SLC38A5: variants seen among roughly 807,000 people sequenced by gnomAD.
SLC38A5 encodes sodium-coupled neutral amino acid transporter 5.
SLC38A5 carries 9 observed loss-of-function variants against 34.6 expected under a neutral mutation model. The observed-to-expected ratio is 0.26, with a 90% CI of 0.16 to 0.45. SLC38A5 has a LOEUF of 0.45. SLC38A5 is among the 20% of genes least tolerant of loss of function. SLC38A5 has a pLI of 1.00. For synonymous variants in SLC38A5, 157 were observed against 155.6 expected, an observed-to-expected ratio of 1.01 and a Z score of -0.07; for missense variants, 253 against 394.7, an observed-to-expected ratio of 0.64 and a Z score of 3.04.
Position 48,458,971 on chromosome X carries a change from T to C in SLC38A5, c.1381A>G (p.Asn461Asp). ...ATGCGGCTCTGGCCTGTGGCCCAGT[T>C]GGCAAACATAAAGCCTAGACTGACG... ...MAVSLGFMFANWATGQSRMSG... is the reference protein window; with the variant it reads ...MAVSLGFMFADWATGQSRMSG... Residue 461 changes from asparagine to aspartate, a missense_variant, in exon 17 of 17, where the codon AAC (asparagine) becomes GAC (aspartate). Physicochemically the swap from Asn to Asp is conservative, Grantham distance 23. Coordinates refer to ENST00000620913, the MANE Select transcript of SLC38A5 (RefSeq NM_033518.4). 1 of 1,193,824 alleles carries C rather than the reference T, an allele frequency of 8.4e-7. No individual in the cohort carries two copies. The highest frequency in any genetic ancestry group is 1.1e-6 in the Non-Finnish European group (1 of 885,690).
At chrX:48,464,058 A>C (rs913478960) in intron 8 of SLC38A5, among the ~76,000 whole-genome samples, 1 of 112,015 alleles carries the variant, frequency 8.9e-6, no homozygotes, top group Admixed American at 9.5e-5. Flanking sequence ...AAAAGTCAGA[A>C]ACACACATGC....
chrX:48,459,131 C>T, intron 16 of SLC38A5, 97 bp from the exon 17 acceptor site: 3 of 920,606 alleles, frequency 3.3e-6, no homozygotes, highest in Non-Finnish European at 4.5e-6. Context: ...TCAGAGAGTG[C>T]TCCATCCATT....
chrX:48,463,899 G>C (rs1211911627), intron 8 of SLC38A5, among the ~76,000 whole-genome samples: 1 of 107,380 alleles, frequency 9.3e-6, no homozygotes, highest in Non-Finnish European at 1.9e-5. Context: ...AAGAAAGAAA[G>C]AAAGAAAGAA....
At chrX:48,466,159 C>T in intron 7 of SLC38A5, 66 bp from the exon 8 acceptor site, 11 of 1,156,377 alleles carry the variant, frequency 9.5e-6, no homozygotes, top group Non-Finnish European at 1.2e-5. Flanking sequence ...TCTTCCCCAG[C>T]CCAGCCTGGG....
chrX:48,468,381 G>T (rs1181755167), intron 2 of SLC38A5: 1 of 730,968 alleles, frequency 1.4e-6, no homozygotes. Context: ...CACCCTCACC[G>T]CGTGGCCAGG....
chrX:48,463,853 GAGAAAGAAAGAAAGAA>G (rs201520618), intron 8 of SLC38A5, among the ~76,000 whole-genome samples: 1,313 of 76,981 alleles, frequency 0.017, 9 homozygotes, highest in Middle Eastern at 0.042. Flanking sequence ...AAGAAAGAGA[GAGAAAGAAAGAAAGAA>G]AGAAAGAAAG....
At chrX:48,461,630 C>A in intron 12 of SLC38A5, 88 bp downstream of exon 12, 1 of 961,429 alleles carries the variant, frequency 1.0e-6, no homozygotes, top group South Asian at 2.4e-5. Context: ...AAGTGACAGT[C>A]CCAGGACTGC....
chrX:48,467,199 AC>A, intron 4 of SLC38A5, 122 bp from the exon 5 acceptor site: 1 of 550,011 alleles, frequency 1.8e-6, no homozygotes, highest in Non-Finnish European at 3.0e-6. Flanking sequence ...CCAAGGAGAG[AC>A]CATCGGAGGA....
chrX:48,468,860 T>A (rs1401912472), intron 2 of SLC38A5: 2 of 750,554 alleles, frequency 2.7e-6, no homozygotes, highest in African/African-American at 2.4e-5. Flanking sequence ...GAGACCTTCA[T>A]CAAAGACCCC....
chrX:48,466,771 G>A (rs1556963462), intron 6 of SLC38A5, 28 bp downstream of exon 6: 1 of 1,174,650 alleles, frequency 8.5e-7, no homozygotes, highest in East Asian at 3.2e-5. Context: ...GGTGGAGTGG[G>A]GACTGGGATC....
chrX:48,465,182 C>A (rs1347141302), intron 8 of SLC38A5, among the ~76,000 whole-genome samples: 1 of 111,739 alleles, frequency 8.9e-6, no homozygotes. Flanking sequence ...CGTGCACATG[C>A]CCCCCACACA....
rs1385676831 is a variant in SLC38A5, at chrX:48,469,106, C to A, written c.-2+229G>T. 3 of 665,159 alleles carry A rather than the reference C, an allele frequency of 4.5e-6. No individual in the cohort carries two copies. The African/African-American group carries it at 7.3e-5, about 16-fold the overall frequency. 54.8% of individuals were successfully genotyped at this position (665,159 alleles called of 1,213,427 possible). A position where few individuals can be genotyped will look rare whatever the true frequency, so the allele number is the denominator to read the frequency against. On this transcript the variant is annotated intron_variant, in intron 2 of 16. Coordinates refer to ENST00000620913, the MANE Select transcript of SLC38A5 (RefSeq NM_033518.4). The stretch of plus-strand genomic sequence containing the variant: ...ATCCCGTTCCTGGGACAGGGAGGGT[C>A]TCAAGGAGTCCCATCCCCCACCACC...
chrX:48,468,916 T>C, intron 2 of SLC38A5: 1 of 752,383 alleles, frequency 1.3e-6, no homozygotes, highest in Non-Finnish European at 1.6e-6. Context: ...GTCTCTGCAA[T>C]CCCCACCCGA....
chrX:48,466,435 A>G, intron 6 of SLC38A5, 113 bp from the exon 7 acceptor site: 1 of 738,346 alleles, frequency 1.4e-6, no homozygotes, highest in Non-Finnish European at 2.0e-6. Context: ...GCTTTGACTG[A>G]TGGAGGATGA....
intron 12 of SLC38A5, among the ~76,000 whole-genome samples, chrX:48,461,317 G>A (rs1200002938): frequency 2.7e-5 from 3 of 110,688 alleles, no homozygotes; most frequent in Non-Finnish European, 5.7e-5. Context: ...GACTGCCACT[G>A]CCTCTTCCAT....
chrX:48,469,085 C>T lies in SLC38A5; in HGVS notation c.-2+250G>A, dbSNP rs999707473. ...AATCCTTTTCCCAAGTCCTGAATCC[C>T]GTTCCTGGGACAGGGAGGGTCTCAA... On this transcript the variant is annotated intron_variant, in intron 2 of 16. Transcript: ENST00000620913. The T allele has an allele frequency of 6.8e-6, 5 of 733,994 alleles. No individual in the cohort carries two copies. The African/African-American group carries it at 9.4e-5, about 14-fold the overall frequency. The allele number at this position is 733,994 out of a possible 1,213,427, so 60.5% of individuals were successfully genotyped here.
chrX:48,467,667 C>T lies in SLC38A5; in HGVS notation c.129+43G>A, dbSNP rs1444755436. The T allele has an allele frequency of 3.4e-6, 4 of 1,159,534 alleles. No individual in the cohort carries two copies. The African/African-American group carries it at 7.2e-5, about 21-fold the overall frequency. On this transcript the variant is annotated intron_variant, in intron 4 of 16. Transcript: ENST00000620913. ...AGGGAGCAGTGCGGGAGGAGATTAG[C>T]TGGGGAAGGTGCCACCAGGACAGAT...
chrX:48,463,531 G>A (rs936253242), intron 8 of SLC38A5, among the ~76,000 whole-genome samples: 9 of 109,846 alleles, frequency 8.2e-5, no homozygotes, highest in Admixed American at 2.0e-4. Context: ...GCATGAACCC[G>A]GGAGGTGGAG....
At chrX:48,461,136 C>T (rs781960925) in intron 12 of SLC38A5, 50 bp from the exon 13 acceptor site, 1 of 1,069,674 alleles carries the variant, frequency 9.3e-7, no homozygotes, top group Non-Finnish European at 1.3e-6. Context: ...TGAGACTTGC[C>T]CCAGGTCCCT....
Sources: allele counts gnomAD v4.1 joint callset (sites outside exome capture counted in the v4.1 genomes callset), GRCh38; gene constraint gnomAD v4.1.1; transcripts MANE v1.5; gene names NCBI Gene and HGNC (gene_info 2026-07-23, HGNC 2026-07-21).